Variants in NPHP1 observed in about 807,000 individuals in gnomAD.
NPHP1 encodes the protein nephrocystin 1.
NPHP1 carries 70 observed loss-of-function variants against 90.4 expected under a neutral mutation model. The observed-to-expected ratio is 0.77, with a 90% CI of 0.64 to 0.95. NPHP1 has a LOEUF of 0.95. Among genes scored for constraint, NPHP1 ranks in the 40% least tolerant of loss-of-function variants. The pLI is 0.00. For synonymous variants in NPHP1, 256 were observed against 271.7 expected (o/e 0.94, Z 0.57); for missense variants, 764 against 795.9 (o/e 0.96, Z 0.48).
At chr2:110,129,995 C>T (rs1679667421) in intron 17 of NPHP1, among the ~76,000 whole-genome samples, 1 of 152,134 alleles carries the variant, frequency 6.6e-6, no homozygotes, top group African/African-American at 2.4e-5. Context: ...AAGGTAATGG[C>T]ATTTGGTGTC....
At chr2:110,125,456 T>A in intron 19 of NPHP1, 181 bp downstream of exon 19, 1 of 1,118,932 alleles carries the variant, frequency 8.9e-7, no homozygotes, top group Non-Finnish European at 1.3e-6. Flanking sequence ...CTTCTCACAT[T>A]AGCTAACGAT....
At chr2:110,125,890 G>A (rs1024329080) in intron 18 of NPHP1, 20 of 589,098 alleles carry the variant, frequency 3.4e-5, no homozygotes, top group African/African-American at 7.5e-5. Context: ...GAAAAATGCC[G>A]TAGAAGCCCA....
chr2:110,200,257 A>G (rs957498206), intron 2 of NPHP1, among the ~76,000 whole-genome samples: 1 of 147,856 alleles, frequency 6.8e-6, no homozygotes, highest in Non-Finnish European at 1.5e-5. Flanking sequence ...TCTATCTCAA[A>G]AAAAATAAAA....
chr2:110,183,385 A>C (rs867183552), intron 2 of NPHP1, among the ~76,000 whole-genome samples: 1 of 152,186 alleles, frequency 6.6e-6, no homozygotes, highest in Non-Finnish European at 1.5e-5. Context: ...AACTAGCCAG[A>C]ACCTCCCCTT....
chr2:110,145,025 G>T (rs1446854251), intron 14 of NPHP1, among the ~76,000 whole-genome samples: 2 of 152,108 alleles, frequency 1.3e-5, no homozygotes, highest in African/African-American at 4.8e-5. Flanking sequence ...GGAATGATAA[G>T]TAAAAAGTGA....
At position 110,144,369 on chromosome 2, in the gene NPHP1, T is replaced by C. The variant is rs1348553226; in HGVS notation, c.1429+124A>G. ...AAATGATTAAAATTTTTATATCAAA[T>C]GACATATTTTTAAAAGTGTGAATTC... On this transcript the variant is annotated intron_variant, in intron 15 of 19. Coordinates refer to ENST00000445609, the MANE Select transcript of NPHP1 (RefSeq NM_001128178.3). The C allele has an allele frequency of 5.9e-6, 4 of 674,916 alleles. No individual in the cohort carries two copies. In the African/African-American group the frequency reaches 7.3e-5, roughly 12 times the overall value. The allele number at this position is 674,916 out of a possible 1,614,324, so 41.8% of individuals were successfully genotyped here.
intron 11 of NPHP1, among the ~76,000 whole-genome samples, chr2:110,158,474 T>C (rs1682072779): frequency 6.6e-6 from 1 of 152,224 alleles, no homozygotes; most frequent in African/African-American, 2.4e-5. Context: ...ACCATTTTTA[T>C]TTCTTGTGTG....
At chr2:110,168,416 A>C (rs1220532390) in intron 6 of NPHP1, 36 bp downstream of exon 6, 2 of 1,316,436 alleles carry the variant, frequency 1.5e-6, no homozygotes, top group Non-Finnish European at 2.2e-6. Context: ...AAAAAAAAAA[A>C]AGTCTTAGAA....
intron 15 of NPHP1, 188 bp from the exon 16 acceptor site, chr2:110,143,829 A>T: frequency 1.7e-6 from 1 of 585,098 alleles, no homozygotes; most frequent in Non-Finnish European, 3.1e-6. Context: ...GCTAAATCAC[A>T]TGAGTTACAG....
chr2:110,127,507 A>G (rs185610388), intron 18 of NPHP1: 4 of 152,270 alleles, frequency 2.6e-5, no homozygotes, highest in Admixed American at 6.5e-5. Flanking sequence ...ATATTCACCA[A>G]TACCTCTCTG....
chr2:110,169,051 C>T (rs1258336562), intron 5 of NPHP1, among the ~76,000 whole-genome samples: 3 of 151,930 alleles, frequency 2.0e-5, no homozygotes, highest in Non-Finnish European at 2.9e-5. Flanking sequence ...ATAACACTCA[C>T]TCATTTATAA....
intron 16 of NPHP1, among the ~76,000 whole-genome samples, chr2:110,142,149 A>G (rs981430393): frequency 1.3e-5 from 2 of 152,060 alleles, no homozygotes; most frequent in Non-Finnish European, 2.9e-5. Context: ...AGCTTTATTT[A>G]TAATTGCCCA....
intron 16 of NPHP1, among the ~76,000 whole-genome samples, chr2:110,142,699 C>T (rs2104477011): frequency 6.6e-6 from 1 of 152,278 alleles, no homozygotes; most frequent in Admixed American, 6.5e-5. Context: ...CTACCTTAAA[C>T]ATGCTCATAA....
chr2:110,125,015 G>A (rs1339320649), intron 19 of NPHP1: 2 of 500,222 alleles, frequency 4.0e-6, no homozygotes, highest in Non-Finnish European at 6.7e-6. Flanking sequence ...AAGTTTTATA[G>A]GAAAACAGTC....
chr2:110,165,022 C>G (rs368584055), intron 7 of NPHP1, 30 bp downstream of exon 7: 18 of 1,517,022 alleles, frequency 1.2e-5, no homozygotes, highest in Non-Finnish European at 1.6e-5. Flanking sequence ...TTTCCTAAAC[C>G]TACTTTGATA....
intron 16 of NPHP1, among the ~76,000 whole-genome samples, chr2:110,136,579 A>T (rs1256883549): frequency 6.6e-6 from 1 of 152,022 alleles, no homozygotes; most frequent in Non-Finnish European, 1.5e-5. Context: ...CACAATTGCT[A>T]CAAAGAGAAT....
Position 110,199,521 on chromosome 2 carries a change from C to T in NPHP1, c.143+1900G>A, listed in dbSNP as rs144693231. 6.8e-3 allele frequency among the ~76,000 whole-genome samples: 1,022 copies of T among 151,162 alleles called. 7 individuals are homozygous for T. The highest frequency in any genetic ancestry group is 0.017 in the Middle Eastern group (5 of 294). On this transcript the variant is annotated intron_variant, in intron 2 of 19. Transcript: ENST00000445609. The stretch of plus-strand genomic sequence containing the variant: ...GAATTGCTAGCATGGTAGCTCGTGG[C>T]GGGGGAGGGGGGCATCCCTTGAGCC...
intron 9 of NPHP1, 59 bp downstream of exon 9, chr2:110,162,989 T>C (rs973590155): frequency 1.0e-5 from 12 of 1,157,136 alleles, no homozygotes; most frequent in Non-Finnish European, 1.4e-5. Context: ...ACAGAAAAAT[T>C]AGACGTGGAT....
chr2:110,129,403 A>T (rs895925572), intron 17 of NPHP1, 144 bp from the exon 18 acceptor site: 1 of 730,490 alleles, frequency 1.4e-6, no homozygotes. Flanking sequence ...CTTCTAGGAG[A>T]GCTCAAAGCT....
Sources: gnomAD v4.1 joint callset for allele counts (sites outside exome capture counted in the v4.1 genomes callset) on GRCh38, gnomAD v4.1.1 for gene constraint, MANE v1.5 for transcripts, NCBI Gene and HGNC (gene_info 2026-07-23, HGNC 2026-07-21) for gene names.